The following MCM8 variants were observed in gnomAD, a reference collection of about 807,000 sequenced individuals.
MCM8 encodes the protein minichromosome maintenance 8 homologous recombination repair factor, also known as DNA helicase MCM8.
Under a neutral mutation model 98.9 loss-of-function variants are expected in MCM8, and 85 were observed. That is an observed-to-expected ratio of 0.86 (90% confidence interval 0.72 to 1.03). MCM8 has a LOEUF of 1.03. MCM8 is among the 50% of genes least tolerant of loss of function. MCM8 has a pLI of 0.00. For missense variants in MCM8, 951 were observed against 997.8 expected, an observed-to-expected ratio of 0.95 and a Z score of 0.63; for synonymous variants, 352 against 338.6, an observed-to-expected ratio of 1.04 and a Z score of -0.44.
intron 2 of MCM8, 112 bp downstream of exon 2, chr20:5,952,275 C>T: frequency 1.3e-6 from 2 of 1,561,676 alleles, no homozygotes; most frequent in Non-Finnish European, 1.7e-6. Flanking sequence ...CATGCTACTC[C>T]TTAGTAAGTA....
At chr20:5,972,972 T>A in intron 11 of MCM8, 84 bp from the exon 12 acceptor site, 1 of 1,457,044 alleles carries the variant, frequency 6.9e-7, no homozygotes, top group Non-Finnish European at 9.2e-7. Context: ...AACAAATTAA[T>A]ATTATAGAAG....
rs2089936664 is a variant in MCM8, at chr20:5,995,018, ACCTG to A, written c.*631_*634del. On this transcript the variant is annotated 3_prime_UTR_variant, in exon 19 of 19. Coordinates refer to ENST00000610722, the MANE Select transcript of MCM8 (RefSeq NM_032485.6). ...TAAATTTTTTATAGTTGTATTTTTG[ACCTG>A]CCTTTTATATGTATGAATATTTCAT... is the stretch of plus-strand genomic sequence containing the variant. The A allele has an allele frequency of 5.8e-6, 1 of 173,104 alleles. No homozygotes were observed. Among genetic ancestry groups the A allele is most frequent in the Non-Finnish European group, 1.3e-5 (1 of 79,622 alleles). 10.7% of individuals were successfully genotyped at this position (173,104 alleles called of 1,614,324 possible).
rs1223879905 is a variant in MCM8, at chr20:5,958,721, A to C, written c.784A>C (p.Thr262Pro). 7 of 1,614,094 alleles carry C rather than the reference A, an allele frequency of 4.3e-6. No individual in the cohort carries two copies. The South Asian group carries it at 6.6e-5, about 15-fold the overall frequency. Residue 262 changes from threonine (T) to proline (P), a missense_variant, in exon 7 of 19, where the codon ACA becomes CCA. By Grantham distance (38) the Thr-to-Pro change is conservative. Coordinates refer to ENST00000610722, the MANE Select transcript of MCM8 (RefSeq NM_032485.6). ...TCCAGATGGAAAATACAGTCTTCCC[A>C]CAAAGGTAATACGTTCTTTAACTGC... ...PLPDGKYSLP[T>P]KCPVPVCRGR...
Position 5,983,042 on chromosome 20 carries a change from A to G in MCM8, c.1610A>G (p.Gln537Arg). ...HQALLEAMEQ[Q>R]SISLAKAGVV... The stretch of plus-strand genomic sequence containing the variant: ...GCCTTGTTGGAAGCCATGGAGCAGC[A>G]AAGTATTAGTCTTGCTAAGGCTGGT... Residue 537 changes from glutamine (Q) to arginine (R), a missense_variant, in exon 14 of 19, where the codon CAA (glutamine) becomes CGA (arginine). Physicochemically the swap from Gln to Arg is conservative, Grantham distance 43. Transcript: ENST00000610722. 2 of 1,614,020 alleles carry G rather than the reference A, an allele frequency of 1.2e-6. No individual in the cohort carries two copies. The highest frequency in any genetic ancestry group is 2.2e-5 in the East Asian group (1 of 44,866).
chr20:5,955,033 A>T, intron 4 of MCM8, 69 bp from the exon 5 acceptor site: 1 of 1,071,874 alleles, frequency 9.3e-7, no homozygotes, highest in Non-Finnish European at 1.4e-6. Context: ...AGTCTATAAT[A>T]GAATGCTCAG....
intron 8 of MCM8, among the ~76,000 whole-genome samples, chr20:5,963,992 A>G (rs763640619): frequency 6.6e-6 from 1 of 152,368 alleles, no homozygotes; most frequent in East Asian, 1.9e-4. Flanking sequence ...GCTTCATTCC[A>G]TATTGAGCTG....
Position 5,984,946 on chromosome 20 carries a change from A to G in MCM8, c.1899A>G (p.Ser633=). 6.2e-7 allele frequency: 1 copy of G among 1,614,170 alleles called. No homozygotes were observed. The highest frequency in any genetic ancestry group is 8.5e-7 in the Non-Finnish European group (1 of 1,180,030). ...TAGCTCGTATGAATAGTCAAGATTC[A>G]AATACTTCCGTACTTGAAGTAGTTT... ...ATVARMNSQD[S]NTSVLEVVSE... Residue 633 remains serine, a synonymous_variant, in exon 15 of 19, where the codon TCA becomes TCG. Transcript: ENST00000610722.
At chr20:5,958,780 GA>G (rs1335510889) in intron 7 of MCM8, 54 bp downstream of exon 7, 14 of 1,498,030 alleles carry the variant, frequency 9.3e-6, no homozygotes, top group Non-Finnish European at 1.3e-5. Flanking sequence ...AGGCAAATCA[GA>G]ATACAGAAAA....
intron 8 of MCM8, among the ~76,000 whole-genome samples, chr20:5,963,825 C>G (rs538738456): frequency 2.0e-5 from 3 of 152,138 alleles, no homozygotes; most frequent in Admixed American, 1.3e-4. Context: ...CGTGAGCCAC[C>G]GCTCCTAGCC....
rs1370422869 is a variant in MCM8 at position 5,997,927 on chromosome 20, A to C, written c.*3536A>C. 6.6e-6 allele frequency: 1 copy of C among 152,202 alleles called. No individual in the cohort carries two copies. Among genetic ancestry groups the C allele is most frequent in the African/African-American group, 2.4e-5 (1 of 41,438 alleles). The allele number at this position is 152,202 out of a possible 1,614,324, so 9.4% of individuals were successfully genotyped here. ...TAAGTAAATTGTATTGGTGGTAATC[A>C]ACTTGATCATTTCATTTTTAGGATA... On this transcript the variant is annotated 3_prime_UTR_variant, in exon 19 of 19. Transcript: ENST00000610722.
Position 5,985,907 on chromosome 20 carries a change from T to C in MCM8, c.1954-15T>C, listed in dbSNP as rs746179966. ...ACTTATCCTTGTTATCTTGGGCCTT[T>C]TAATCATGCTTCAGGTGGTTCCTGG... On this transcript the variant is annotated splice_polypyrimidine_tract_variant and intron_variant, in intron 15 of 18. Coordinates refer to ENST00000610722, the MANE Select transcript of MCM8 (RefSeq NM_032485.6). 1.7e-5 allele frequency: 28 copies of C among 1,613,154 alleles called. No individual in the cohort carries two copies. The highest frequency in any genetic ancestry group is 2.1e-5 in the Non-Finnish European group (25 of 1,179,302).
At chr20:5,983,684 A>G (rs925523337) in intron 14 of MCM8, among the ~76,000 whole-genome samples, 30 of 152,140 alleles carry the variant, frequency 2.0e-4, no homozygotes, top group African/African-American at 7.2e-4. Flanking sequence ...TGGGTGACAG[A>G]GTGAGACGCC....
chr20:5,977,832 C>A, intron 12 of MCM8, 44 bp from the exon 13 acceptor site: 1 of 1,604,792 alleles, frequency 6.2e-7, no homozygotes, highest in Non-Finnish European at 8.5e-7. Context: ...GCTATTACTT[C>A]CCTTTTACTT....
chr20:5,993,474 A>C (rs769701412), intron 17 of MCM8, 32 bp from the exon 18 acceptor site: 2 of 1,491,774 alleles, frequency 1.3e-6, no homozygotes, highest in Non-Finnish European at 1.8e-6. Flanking sequence ...GCAGTGCTAC[A>C]TTGGGTAATT....
At chr20:5,963,834 C>T (rs1281543101) in intron 8 of MCM8, among the ~76,000 whole-genome samples, 1 of 152,096 alleles carries the variant, frequency 6.6e-6, no homozygotes, top group Non-Finnish European at 1.5e-5. Flanking sequence ...CCGCTCCTAG[C>T]CTAATTGTCT....
intron 14 of MCM8, 61 bp from the exon 15 acceptor site, chr20:5,984,720 A>G: frequency 7.4e-7 from 1 of 1,356,040 alleles, no homozygotes; most frequent in Non-Finnish European, 1.0e-6. Flanking sequence ...GTGAGTAGAC[A>G]GTTTTCTAGT....
rs1340084660 is a variant in MCM8, at chr20:5,955,222, T to G, written c.457T>G (p.Leu153Val). The change falls in exon 5 of 19, where the codon TTG becomes GTG. Residue 153 changes from leucine (L) to valine (V), a missense_variant. By Grantham distance (32) the Leu-to-Val change is conservative (BLOSUM62 1). Coordinates refer to ENST00000610722, the MANE Select transcript of MCM8 (RefSeq NM_032485.6). ...ACTAAGAGATGCACCTGAGAAAACC[T>G]TGGCTTGCATGGGTTTGGCAATACA... Reference protein sequence around the residue: ...TELRDAPEKTLACMGLAIHQV... With the variant: ...TELRDAPEKTVACMGLAIHQV... 1 of 1,613,474 alleles carries G rather than the reference T, an allele frequency of 6.2e-7. No homozygotes were observed.
chr20:5,954,587 A>T, intron 3 of MCM8, 21 bp from the exon 4 acceptor site: 1 of 1,443,460 alleles, frequency 6.9e-7, no homozygotes, highest in Non-Finnish European at 9.7e-7. Flanking sequence ...ATTTGTGCTA[A>T]TGCCATATTT....
At chr20:5,963,760 T>A (rs2089210292) in intron 8 of MCM8, among the ~76,000 whole-genome samples, 1 of 152,126 alleles carries the variant, frequency 6.6e-6, no homozygotes, top group Admixed American at 6.5e-5. Flanking sequence ...ATGGTCTTGA[T>A]TTCCTGACCT....
Sources: gnomAD v4.1 joint callset for allele counts (sites outside exome capture counted in the v4.1 genomes callset) on GRCh38, gnomAD v4.1.1 for gene constraint, MANE v1.5 for transcripts, NCBI Gene and HGNC (gene_info 2026-07-23, HGNC 2026-07-21) for gene names.